GRM7: variants seen among roughly 807,000 people sequenced by gnomAD.
GRM7 encodes glutamate metabotropic receptor 7.
In GRM7, 35 loss-of-function variants were observed where a neutral mutation model predicts 84.5. The ratio of observed to expected loss-of-function variants is 0.41; its 90% CI spans 0.32 to 0.55. The LOEUF is 0.55. Ranked by LOEUF, GRM7 falls within the 20% of genes least tolerant of loss-of-function variation. GRM7 has a pLI of 0.19. For synonymous variants in GRM7, 487 were observed against 455.1 expected (o/e 1.07, Z -0.89); for missense variants, 1,003 against 1,194.6 (o/e 0.84, Z 2.36).
At chr3:6,871,864 A>G (rs533064761) in intron 1 of GRM7, among the ~76,000 whole-genome samples, 2 of 152,274 alleles carry the variant, frequency 1.3e-5, no homozygotes, top group South Asian at 2.1e-4. Context: ...ACAGAGGGTA[A>G]TTGTGTAATT....
At chr3:7,037,451 A>T (rs534000114) in intron 1 of GRM7, among the ~76,000 whole-genome samples, 2 of 152,180 alleles carry the variant, frequency 1.3e-5, no homozygotes, top group Admixed American at 6.5e-5. Flanking sequence ...TAAAAACAAG[A>T]ATAATGACAC....
intron 8 of GRM7, among the ~76,000 whole-genome samples, chr3:7,673,465 T>C (rs1274332631): frequency 6.7e-6 from 1 of 148,694 alleles, no homozygotes; most frequent in African/African-American, 2.5e-5. Context: ...ACACAGGACT[T>C]ACAGGAAACC....
At chr3:7,080,490 A>G (rs1254767745) in intron 1 of GRM7, among the ~76,000 whole-genome samples, 1 of 151,936 alleles carries the variant, frequency 6.6e-6, no homozygotes, top group East Asian at 1.9e-4. Flanking sequence ...TACTTGGCAT[A>G]TTTTCTTATA....
chr3:7,699,614 AT>A (rs933945990), intron 9 of GRM7, among the ~76,000 whole-genome samples: 6 of 151,694 alleles, frequency 4.0e-5, no homozygotes, highest in Admixed American at 1.3e-4. Context: ...AAATTAGCGA[AT>A]TTTTTTTCTT....
intron 1 of GRM7, among the ~76,000 whole-genome samples, chr3:6,993,559 A>C (rs560577155): frequency 3.9e-5 from 6 of 152,192 alleles, no homozygotes; most frequent in Non-Finnish European, 8.8e-5. Flanking sequence ...CTTGTACTGT[A>C]GTTGGTGATT....
chr3:7,655,848 C>T lies in GRM7; in HGVS notation c.2452-24201C>T, dbSNP rs368065376. ...CCATGCACTTTTCAGGAATTTTGGA[C>T]GTGTGGAAAAACCCAAAATAAATGC... is the stretch of plus-strand genomic sequence containing the variant. On this transcript the variant is annotated intron_variant, in intron 8 of 9. Transcript: ENST00000357716. 2.9e-3 allele frequency among the ~76,000 whole-genome samples: 447 copies of T among 152,196 alleles called. 7 individuals are homozygous for T. Among genetic ancestry groups the T allele is most frequent in the Middle Eastern group, 0.014 (4 of 292 alleles).
At chr3:7,193,000 C>T (rs1423167423) in intron 2 of GRM7, among the ~76,000 whole-genome samples, 1 of 152,096 alleles carries the variant, frequency 6.6e-6, no homozygotes, top group Non-Finnish European at 1.5e-5. Context: ...CTGCATTCTC[C>T]ACGGGTTTAT....
intron 2 of GRM7, among the ~76,000 whole-genome samples, chr3:7,248,039 G>A (rs1000930094): frequency 2.0e-5 from 3 of 152,134 alleles, no homozygotes; most frequent in African/African-American, 7.2e-5. Flanking sequence ...ATATGGTGCA[G>A]CCATTTTAGA....
chr3:7,035,656 T>C (rs908732060), intron 1 of GRM7, among the ~76,000 whole-genome samples: 3 of 152,194 alleles, frequency 2.0e-5, no homozygotes, highest in African/African-American at 7.2e-5. Context: ...TTTGGGAACA[T>C]TTCAGAGACA....
intron 8 of GRM7, among the ~76,000 whole-genome samples, chr3:7,643,329 A>AAC (rs1440179746): frequency 2.5e-5 from 1 of 39,748 alleles, no homozygotes; most frequent in African/African-American, 1.2e-4. Flanking sequence ...ATGAAAAACA[A>AAC]ACAAAAAAAA....
At chr3:7,625,265 C>A (rs924885264) in intron 8 of GRM7, among the ~76,000 whole-genome samples, 1 of 152,024 alleles carries the variant, frequency 6.6e-6, no homozygotes, top group African/African-American at 2.4e-5. Flanking sequence ...ATGCAAAGGG[C>A]CTTTCAAAGC....
At chr3:6,927,446 G>GA (rs1435577100) in intron 1 of GRM7, among the ~76,000 whole-genome samples, 1 of 71,294 alleles carries the variant, frequency 1.4e-5, no homozygotes, top group African/African-American at 7.3e-5. Flanking sequence ...AGAAGAAAGA[G>GA]AAGAAAGAAA....
At chr3:7,013,155 C>G (rs1233990819) in intron 1 of GRM7, among the ~76,000 whole-genome samples, 2 of 149,200 alleles carry the variant, frequency 1.3e-5, no homozygotes, top group Non-Finnish European at 3.0e-5. Context: ...AGTTCAGAAA[C>G]AGTAAGAAAA....
At chr3:7,297,731 A>T (rs943562836) in intron 2 of GRM7, among the ~76,000 whole-genome samples, 2 of 152,222 alleles carry the variant, frequency 1.3e-5, no homozygotes, top group Admixed American at 1.3e-4. Flanking sequence ...CACATTACAC[A>T]TTAGAGTAAG....
intron 2 of GRM7, among the ~76,000 whole-genome samples, chr3:7,214,268 C>G (rs1198274938): frequency 6.6e-6 from 1 of 152,130 alleles, no homozygotes; most frequent in Non-Finnish European, 1.5e-5. Flanking sequence ...GAGAAAACAA[C>G]ATTTCTAGAA....
Position 7,578,878 on chromosome 3 carries a change from C to A in GRM7, c.1972C>A (p.Arg658=). The change falls in exon 8 of 10, where the codon CGG becomes AGG. Residue 658 remains arginine (R), a synonymous_variant. Transcript: ENST00000357716. ...AKPDVAVCSF[R]RVFLGLGMCI... is the part of the protein sequence containing the mutation. ...ACCAGATGTGGCAGTGTGTTCTTTCCGGCGAGTTTTCTTGGGCTTGGGTAT... is the reference window on the plus strand; with the variant it reads ...ACCAGATGTGGCAGTGTGTTCTTTCAGGCGAGTTTTCTTGGGCTTGGGTAT... 1 of 1,614,084 alleles carries A rather than the reference C, an allele frequency of 6.2e-7. No homozygotes were observed. The highest frequency in any genetic ancestry group is 8.5e-7 in the Non-Finnish European group (1 of 1,180,008).
intron 1 of GRM7, among the ~76,000 whole-genome samples, chr3:7,029,665 T>A (rs1017144505): frequency 6.6e-6 from 1 of 152,182 alleles, no homozygotes; most frequent in African/African-American, 2.4e-5. Flanking sequence ...AAATTCATAG[T>A]GACAGAAAGT....
At chr3:7,098,217 T>C (rs1375921216) in intron 1 of GRM7, among the ~76,000 whole-genome samples, 2 of 152,038 alleles carry the variant, frequency 1.3e-5, no homozygotes, top group East Asian at 3.9e-4. Flanking sequence ...ATATAATGTA[T>C]AGCATTTTGA....
chr3:7,228,406 C>T (rs986693127), intron 2 of GRM7, among the ~76,000 whole-genome samples: 10 of 151,896 alleles, frequency 6.6e-5, no homozygotes, highest in African/African-American at 1.5e-4. Flanking sequence ...AAACAAAATC[C>T]GATAAAACAG....
Sources: allele counts gnomAD v4.1 joint callset (sites outside exome capture counted in the v4.1 genomes callset), GRCh38; gene constraint gnomAD v4.1.1; transcripts MANE v1.5; gene names NCBI Gene and HGNC (gene_info 2026-07-23, HGNC 2026-07-21).